MACROD2: variants seen among roughly 807,000 people sequenced by gnomAD.
MACROD2 encodes the protein mono-ADP ribosylhydrolase 2.
In MACROD2, 36 loss-of-function variants were observed where a neutral mutation model predicts 70.4. The observed-to-expected ratio is 0.51, with a 90% CI of 0.39 to 0.68. MACROD2 has a LOEUF of 0.68. Ranked by LOEUF, MACROD2 falls within the 30% of genes least tolerant of loss-of-function variation. The probability of loss-of-function intolerance (pLI) is 0.00; values close to 1 mark genes in which losing one functional copy is unlikely to be tolerated. For missense variants in MACROD2, 496 were observed against 538.4 expected (o/e 0.92, Z 0.78); for synonymous variants, 172 against 178.8 (o/e 0.96, Z 0.30).
chr20:15,449,340 G>C (rs2046610452), intron 7 of MACROD2, among the ~76,000 whole-genome samples: 1 of 152,144 alleles, frequency 6.6e-6, no homozygotes. Flanking sequence ...GAACGCTTAT[G>C]TAGCACTGAC....
chr20:15,059,276 T>C (rs1323188283), intron 5 of MACROD2, among the ~76,000 whole-genome samples: 1 of 151,882 alleles, frequency 6.6e-6, no homozygotes, highest in African/African-American at 2.4e-5. Context: ...TCACAGCTAC[T>C]CAGGAGGCTG....
chr20:14,596,108 C>T (rs1478834448), intron 4 of MACROD2, among the ~76,000 whole-genome samples: 2 of 151,464 alleles, frequency 1.3e-5, no homozygotes, highest in Admixed American at 1.3e-4. Context: ...ATTTTTTAGA[C>T]GGAGTCGCCC....
intron 7 of MACROD2, among the ~76,000 whole-genome samples, chr20:15,433,771 G>A (rs1233490924): frequency 2.7e-5 from 4 of 150,396 alleles, no homozygotes; most frequent in South Asian, 2.1e-4. Flanking sequence ...AAATCTGGAG[G>A]CATGACATTA....
intron 3 of MACROD2, among the ~76,000 whole-genome samples, chr20:14,258,041 C>T (rs1395779533): frequency 2.0e-5 from 3 of 152,128 alleles, no homozygotes; most frequent in African/African-American, 4.8e-5. Context: ...CAATTCCACC[C>T]AGGTTGCTGT....
At chr20:14,586,490 G>A (rs1568684821) in intron 4 of MACROD2, among the ~76,000 whole-genome samples, 1 of 152,040 alleles carries the variant, frequency 6.6e-6, no homozygotes, top group Non-Finnish European at 1.5e-5. Flanking sequence ...AAAAAGTCCA[G>A]TACTAGTTTC....
At chr20:15,873,317 A>G (rs2064612778) in intron 9 of MACROD2, among the ~76,000 whole-genome samples, 1 of 152,132 alleles carries the variant, frequency 6.6e-6, no homozygotes, top group Non-Finnish European at 1.5e-5. Context: ...GTGGTACATG[A>G]GAGTTTATTT....
intron 15 of MACROD2, among the ~76,000 whole-genome samples, chr20:15,989,445 A>C (rs1486594016): frequency 6.6e-6 from 1 of 152,154 alleles, no homozygotes; most frequent in East Asian, 1.9e-4. Context: ...ATTCATAAAC[A>C]CTTCCTTGTT....
intron 6 of MACROD2, among the ~76,000 whole-genome samples, chr20:15,283,730 A>G (rs1414796292): frequency 6.6e-6 from 1 of 152,136 alleles, no homozygotes; most frequent in Non-Finnish European, 1.5e-5. Context: ...AGAAAAATAC[A>G]TATCAAAAAT....
At chr20:15,782,919 G>A (rs1054069919) in intron 8 of MACROD2, among the ~76,000 whole-genome samples, 1 of 151,686 alleles carries the variant, frequency 6.6e-6, no homozygotes, top group East Asian at 1.9e-4. Flanking sequence ...ATGTTTTAGG[G>A]TTTTTTTCCC....
intron 4 of MACROD2, among the ~76,000 whole-genome samples, chr20:14,612,217 G>C (rs373287833): frequency 6.6e-6 from 1 of 152,020 alleles, no homozygotes; most frequent in Non-Finnish European, 1.5e-5. Flanking sequence ...AATTCTCAGC[G>C]GTAGGCCACA....
chr20:15,644,266 G>C (rs961464760), intron 8 of MACROD2, among the ~76,000 whole-genome samples: 1 of 152,052 alleles, frequency 6.6e-6, no homozygotes, highest in African/African-American at 2.4e-5. Flanking sequence ...ACCACCTCCA[G>C]CATCTAAACC....
chr20:15,139,211 A>G (rs1275009970), intron 5 of MACROD2, among the ~76,000 whole-genome samples: 1 of 152,170 alleles, frequency 6.6e-6, no homozygotes, highest in Non-Finnish European at 1.5e-5. Flanking sequence ...GCAATTGTAG[A>G]TTTTTATGAG....
intron 6 of MACROD2, among the ~76,000 whole-genome samples, chr20:15,257,600 ATCT>A (rs1568673074): frequency 1.3e-5 from 2 of 151,980 alleles, no homozygotes; most frequent in African/African-American, 4.8e-5. Flanking sequence ...AAAAATTTCT[ATCT>A]TCTTAAGGTT....
chr20:14,134,842 A>G (rs564748404), intron 3 of MACROD2, among the ~76,000 whole-genome samples: 110 of 151,104 alleles, frequency 7.3e-4, no homozygotes, highest in African/African-American at 2.5e-3. Context: ...ATTCATGTCA[A>G]TGAATAGGGA....
intron 8 of MACROD2, among the ~76,000 whole-genome samples, chr20:15,693,415 T>G (rs1481571625): frequency 1.3e-5 from 2 of 152,212 alleles, no homozygotes; most frequent in African/African-American, 4.8e-5. Flanking sequence ...TCATTCCTCC[T>G]GTGGTTCACT....
intron 6 of MACROD2, among the ~76,000 whole-genome samples, chr20:15,254,502 T>A (rs1046698755): frequency 6.6e-6 from 1 of 152,140 alleles, no homozygotes; most frequent in African/African-American, 2.4e-5. Flanking sequence ...AATCGTTTAA[T>A]ACTGGGAGCC....
In MACROD2 at chr20:14,174,374, C is replaced by T. The variant is rs1379236333; in HGVS notation, c.271+88646C>T. On this transcript the variant is annotated intron_variant, in intron 3 of 17. Transcript: ENST00000684519. The stretch of plus-strand genomic sequence containing the variant: ...CTGTGGGGGATGAGGATTTGGTTCT[C>T]AGGCTAATGGAGTTATGTTCCTAGG... 2.0e-5 allele frequency among the ~76,000 whole-genome samples: 3 copies of T among 152,068 alleles called. No homozygotes were observed. The East Asian group carries it at 5.8e-4, about 29-fold the overall frequency.
intron 3 of MACROD2, among the ~76,000 whole-genome samples, chr20:14,242,238 T>A (rs923286742): frequency 2.0e-5 from 3 of 152,162 alleles, no homozygotes; most frequent in Non-Finnish European, 4.4e-5. Context: ...CAATTTTTTG[T>A]TTTTATATTC....
intron 3 of MACROD2, among the ~76,000 whole-genome samples, chr20:14,294,116 C>A (rs2082408736): frequency 6.6e-6 from 1 of 151,712 alleles, no homozygotes; most frequent in Admixed American, 6.6e-5. Context: ...CAAACCAAAT[C>A]ACTTTTAACC....
Sources: allele counts gnomAD v4.1 joint callset (sites outside exome capture counted in the v4.1 genomes callset), GRCh38; gene constraint gnomAD v4.1.1; transcripts MANE v1.5; gene names NCBI Gene and HGNC (gene_info 2026-07-23, HGNC 2026-07-21).